Variants in INPP5F observed in about 807,000 individuals in gnomAD.
The protein encoded by INPP5F is inositol polyphosphate-5-phosphatase F.
A neutral mutation model predicts 137.2 loss-of-function variants in INPP5F; 97 were observed. The ratio of observed to expected loss-of-function variants is 0.71; its 90% confidence interval spans 0.60 to 0.84. The LOEUF (loss-of-function observed/expected upper bound fraction) is 0.84, where lower values mean the gene tolerates loss of function less well. Ranked by LOEUF, INPP5F falls within the 40% of genes least tolerant of loss-of-function variation. The pLI, the probability that INPP5F is intolerant of heterozygous loss-of-function variation, is 0.00. For synonymous variants in INPP5F, 504 were observed against 476.9 expected, an observed-to-expected ratio of 1.06 and a Z score of -0.74; for missense variants, 1,271 against 1,371.9, an observed-to-expected ratio of 0.93 and a Z score of 1.16.
At chr10:119,819,243 TAAAGGGGAAGGGTGGGTGGGGAGGGAA>T in intron 15 of INPP5F, 1 of 209,194 alleles carries the variant, frequency 4.8e-6, no homozygotes, top group African/African-American at 4.0e-5. Flanking sequence ...TTTTTTTTTT[TAAAGGGGAAGGGTGGGTGGGGAGGGAA>T]TTAAATATTT....
chr10:119,783,843 C>T (rs558323634), intron 3 of INPP5F, among the ~76,000 whole-genome samples: 2 of 152,278 alleles, frequency 1.3e-5, no homozygotes, highest in East Asian at 1.9e-4. Context: ...TTCTCAGGGC[C>T]AGCGAGATCG....
Position 119,751,097 on chromosome 10 carries a change from G to A in INPP5F, c.119G>A (p.Trp40Ter). The A allele has an allele frequency of 6.2e-7, 1 of 1,610,238 alleles. No individual in the cohort carries two copies. Among genetic ancestry groups the A allele is most frequent in the Non-Finnish European group, 8.5e-7 (1 of 1,176,578 alleles). Residue 40 changes from tryptophan (W) to a stop codon, truncating the protein, a stop_gained, in exon 2 of 20, where the codon TGG (tryptophan) becomes TAG (stop). Coordinates refer to ENST00000650623, the MANE Select transcript of INPP5F (RefSeq NM_014937.4). LOFTEE classifies it high-confidence loss of function. ...TTAGCTACTGATCTACTTCTTGCCT[G>A]GAATCCCATTTGTTTGGGGTTGGTA... ...LRPATDLLLA[W>*]NPICLGLVEG...
intron 3 of INPP5F, among the ~76,000 whole-genome samples, chr10:119,785,824 A>G (rs530394175): frequency 1.3e-5 from 2 of 152,146 alleles, no homozygotes; most frequent in Non-Finnish European, 1.5e-5. Flanking sequence ...GCACCACAGC[A>G]CTCTAGCCTA....
chr10:119,799,787 G>C (rs1328066615), intron 9 of INPP5F, among the ~76,000 whole-genome samples: 2 of 152,036 alleles, frequency 1.3e-5, no homozygotes, highest in Non-Finnish European at 2.9e-5. Context: ...AAATGTGAAA[G>C]GTTAAGCAAT....
At chr10:119,822,543 T>C in intron 17 of INPP5F, 39 bp downstream of exon 17, 1 of 980,978 alleles carries the variant, frequency 1.0e-6, no homozygotes, top group Non-Finnish European at 1.5e-6. Context: ...CAAAAGCAAA[T>C]GCTGTTGTTT....
Position 119,827,461 on chromosome 10 carries a change from C to G in INPP5F, c.3080C>G (p.Ser1027Ter). Residue 1027 changes from serine to a stop codon, truncating the protein, a stop_gained, in exon 20 of 20, where the codon TCA becomes TGA. Coordinates refer to ENST00000650623, the MANE Select transcript of INPP5F (RefSeq NM_014937.4). LOFTEE classifies it high-confidence loss of function. Reference sequence around the variant, plus strand: ...TCTGCAACAGGCCCACAGTTTTTGTCAGTTGAGCCAGCGCATTCAGTTGCA... The same window carrying G: ...TCTGCAACAGGCCCACAGTTTTTGTGAGTTGAGCCAGCGCATTCAGTTGCA... ...SLSATGPQFLSVEPAHSVASQ... is the reference protein window; with the variant it reads ...SLSATGPQFL The G allele has an allele frequency of 1.2e-6, 2 of 1,614,186 alleles. No individual in the cohort carries two copies. The highest frequency in any genetic ancestry group is 1.7e-6 in the Non-Finnish European group (2 of 1,180,032).
At chr10:119,758,418 T>C (rs768752742) in intron 2 of INPP5F, among the ~76,000 whole-genome samples, 5 of 152,184 alleles carry the variant, frequency 3.3e-5, no homozygotes, top group African/African-American at 4.8e-5. Context: ...GCCCACATGA[T>C]TGATGTGTTT....
Position 119,826,861 on chromosome 10 carries a change from CAGAT to C in INPP5F, c.2483_2486del (p.Asp828ValfsTer11). 6.2e-7 allele frequency: 1 copy of C among 1,613,852 alleles called. No homozygotes were observed. Among genetic ancestry groups the C allele is most frequent in the Non-Finnish European group, 8.5e-7 (1 of 1,179,888 alleles). ...AACTTAAAAGTAAATCTTTGGAAAT[CAGAT>C]AGTAGTCTTGAAACTATGGAAAACA... On this transcript the variant is annotated frameshift_variant, in exon 20 of 20. Coordinates refer to ENST00000650623, the MANE Select transcript of INPP5F (RefSeq NM_014937.4). LOFTEE classifies it high-confidence loss of function.
chr10:119,819,776 G>A, intron 15 of INPP5F: 1 of 354,316 alleles, frequency 2.8e-6, no homozygotes, highest in East Asian at 4.4e-5. Context: ...GATTAAGACT[G>A]TTGGACTCAA....
At position 119,748,088 on chromosome 10, in the gene INPP5F, G is replaced by A. The variant is rs1357733864; in HGVS notation, c.98-2988G>A. Among the ~76,000 whole-genome samples, 1 of 152,214 alleles carries A rather than the reference G, an allele frequency of 6.6e-6. No individual in the cohort carries two copies. The highest frequency in any genetic ancestry group is 1.5e-5 in the Non-Finnish European group (1 of 68,042). On this transcript the variant is annotated intron_variant, in intron 1 of 19. Transcript: ENST00000650623. This position sits in a 1 kb window ranked among gnomAD's most constrained non-coding sequence, Gnocchi z 4.7. ...AGCCCGGATCCCATGCCTGCCAATG[G>A]CAAGCCAGGTGCGGAGTGGCGAGTG...
At chr10:119,758,817 C>T (rs974583388) in intron 2 of INPP5F, among the ~76,000 whole-genome samples, 3 of 152,204 alleles carry the variant, frequency 2.0e-5, no homozygotes, top group African/African-American at 7.2e-5. Flanking sequence ...TCTGCTGTTC[C>T]TCCACTTTTG....
intron 3 of INPP5F, among the ~76,000 whole-genome samples, chr10:119,783,229 C>T (rs1279405169): frequency 6.6e-6 from 1 of 152,088 alleles, no homozygotes; most frequent in Non-Finnish European, 1.5e-5. Context: ...TGTTAGTTTC[C>T]TAAGCCAGTA....
At chr10:119,766,851 C>G (rs1156555034) in intron 2 of INPP5F, among the ~76,000 whole-genome samples, 2 of 151,972 alleles carry the variant, frequency 1.3e-5, no homozygotes, top group Admixed American at 1.3e-4. Context: ...TACCTGTAAT[C>G]CCAGGATTTT....
At chr10:119,785,976 T>C (rs193151094) in intron 3 of INPP5F, among the ~76,000 whole-genome samples, 7 of 152,370 alleles carry the variant, frequency 4.6e-5, no homozygotes, top group African/African-American at 1.7e-4. Context: ...TATATAGGCT[T>C]ATGTTCCATG....
chr10:119,786,657 A>G (rs1315458449), intron 3 of INPP5F, among the ~76,000 whole-genome samples: 3 of 151,548 alleles, frequency 2.0e-5, no homozygotes, highest in Non-Finnish European at 4.4e-5. Context: ...GATTACAGGC[A>G]TGTGCCACCA....
chr10:119,789,962 C>T (rs187450541), intron 3 of INPP5F, among the ~76,000 whole-genome samples: 1 of 148,982 alleles, frequency 6.7e-6, no homozygotes, highest in African/African-American at 2.5e-5. Context: ...GAGTTAAGAA[C>T]CAAGAGCATT....
intron 2 of INPP5F, among the ~76,000 whole-genome samples, chr10:119,779,415 GGTTTTT>G (rs747588546): frequency 8.6e-5 from 13 of 151,610 alleles, no homozygotes; most frequent in Non-Finnish European, 1.3e-4. Flanking sequence ...AATTTTTTTG[GGTTTTT>G]ATTTTTATTT....
At chr10:119,808,554 A>G (rs1251096800) in intron 13 of INPP5F, among the ~76,000 whole-genome samples, 2 of 152,240 alleles carry the variant, frequency 1.3e-5, no homozygotes, top group African/African-American at 4.8e-5. Context: ...ATGGGATCAT[A>G]TGAGTCAATG....
In INPP5F at chr10:119,827,398, A is replaced by G. The variant is rs368608622; in HGVS notation, c.3017A>G (p.Gln1006Arg). ...SNETQSESTE[Q>R]TPSRPSQLDV... is the part of the protein sequence containing the mutation. ...GAAACCCAATCAGAATCAACAGAAC[A>G]GACACCTTCTCGGCCATCGCAATTA... Residue 1006 changes from glutamine (Q) to arginine (R), a missense_variant, in exon 20 of 20, where the codon CAG becomes CGG. Gln to Arg is a conservative substitution (Grantham distance 43, BLOSUM62 1). Transcript: ENST00000650623. 2 of 1,614,226 alleles carry G rather than the reference A, an allele frequency of 1.2e-6. No homozygotes were observed. The highest frequency in any genetic ancestry group is 2.7e-5 in the African/African-American group (2 of 75,060).
Sources: gnomAD v4.1 joint callset for allele counts (sites outside exome capture counted in the v4.1 genomes callset) on GRCh38, gnomAD v4.1.1 for gene constraint, Gnocchi (gnomAD v3.1) non-coding constraint, MANE v1.5 for transcripts, NCBI Gene and HGNC (gene_info 2026-07-23, HGNC 2026-07-21) for gene names.